SNX19: variants seen among roughly 807,000 people sequenced by gnomAD.
SNX19 encodes sorting nexin-19.
SNX19 carries 60 observed loss-of-function variants against 85.2 expected under a neutral mutation model. The observed-to-expected ratio is 0.70, with a 90% CI of 0.57 to 0.87. SNX19 has a LOEUF of 0.87. SNX19 is among the 40% of genes least tolerant of loss of function. SNX19 has a pLI of 0.00. For synonymous variants in SNX19, 520 were observed against 470.0 expected, an observed-to-expected ratio of 1.11 and a Z score of -1.38; for missense variants, 1,201 against 1,217.8, an observed-to-expected ratio of 0.99 and a Z score of 0.21.
intron 6 of SNX19, 73 bp downstream of exon 6, chr11:130,906,552 C>T: frequency 9.5e-7 from 1 of 1,051,854 alleles, no homozygotes; most frequent in East Asian, 2.4e-5. Context: ...CAGAGAATAT[C>T]TCAACTACCT....
At chr11:130,905,776 A>G in intron 7 of SNX19, 177 bp downstream of exon 7, 1 of 1,538,220 alleles carries the variant, frequency 6.5e-7, no homozygotes. Context: ...CCGCTGTGGC[A>G]ACTATGTACT....
At chr11:130,886,989 C>T in intron 8 of SNX19, among the ~76,000 whole-genome samples, 1 of 152,300 alleles carries the variant, frequency 6.6e-6, no homozygotes, top group East Asian at 1.9e-4. Context: ...GGGCAAGAAA[C>T]TACCACTTCT....
chr11:130,899,850 A>G (rs1945141497), intron 8 of SNX19, among the ~76,000 whole-genome samples: 1 of 152,250 alleles, frequency 6.6e-6, no homozygotes, highest in South Asian at 2.1e-4. Flanking sequence ...AAATATATTC[A>G]GAGTTTTCCC....
Position 130,873,079 on chromosome 11 carries a change from G to A in SNX19, c.*5343C>T, listed in dbSNP as rs908669522. 2.0e-5 allele frequency among the ~76,000 whole-genome samples: 3 copies of A among 152,054 alleles called. No homozygotes were observed. The highest frequency in any genetic ancestry group is 1.3e-4 in the Admixed American group (2 of 15,264). ...TTACACTTTTACTAGGCCTCACTCC[G>A]GACCTATTGAATCAAAATTTGCATT... On this transcript the variant is annotated 3_prime_UTR_variant, in exon 11 of 11. Transcript: ENST00000265909.
At chr11:130,907,844 G>C in intron 5 of SNX19, 109 bp downstream of exon 5, 1 of 1,515,000 alleles carries the variant, frequency 6.6e-7, no homozygotes, top group Non-Finnish European at 8.9e-7. Flanking sequence ...TGGTATGTCT[G>C]ACCCACCTCC....
intron 2 of SNX19, chr11:130,911,356 C>T: frequency 1.1e-6 from 1 of 930,088 alleles, no homozygotes; most frequent in Non-Finnish European, 1.4e-6. Flanking sequence ...ACTCCTCACA[C>T]CAACTTACAG....
rs1419976024 is a variant in SNX19 at position 130,866,537 on chromosome 11, A to T, written c.*11885T>A. Reference sequence around the variant, plus strand: ...CCTCCTTAAGATGGCAGATTAGAAGACCCTCTTCCCCAGGAGAGTGGGAGC... The same window carrying T: ...CCTCCTTAAGATGGCAGATTAGAAGTCCCTCTTCCCCAGGAGAGTGGGAGC... On this transcript the variant is annotated 3_prime_UTR_variant, in exon 11 of 11. Transcript: ENST00000265909. 6 of 152,114 alleles carry T rather than the reference A, an allele frequency of 3.9e-5. No homozygotes were observed. Among genetic ancestry groups the T allele is most frequent in the African/African-American group, 9.7e-5 (4 of 41,428 alleles). 9.4% of individuals were successfully genotyped at this position (152,114 alleles called of 1,614,324 possible). A position where few individuals can be genotyped will look rare whatever the true frequency, so the allele number is the denominator to read the frequency against.
At chr11:130,907,612 G>T (rs983975957) in intron 5 of SNX19, among the ~76,000 whole-genome samples, 4 of 152,142 alleles carry the variant, frequency 2.6e-5, no homozygotes, top group African/African-American at 9.7e-5. Context: ...TCAGTTATAA[G>T]CCTTAATTCT....
At position 130,875,353 on chromosome 11, in the gene SNX19, G is replaced by A. The variant is rs1466324270; in HGVS notation, c.*3069C>T. 2 of 152,272 alleles carry A rather than the reference G, an allele frequency of 1.3e-5. No individual in the cohort carries two copies. The highest frequency in any genetic ancestry group is 1.9e-4 in the East Asian group (1 of 5,196). 9.4% of individuals were successfully genotyped at this position (152,272 alleles called of 1,614,324 possible). On this transcript the variant is annotated 3_prime_UTR_variant, in exon 11 of 11. Transcript: ENST00000265909. Reference sequence around the variant, plus strand: ...CAGTGATTGCCAGAGGCTGGTGGGAGGGGAAACGAGGAGTGGCTGTTCAAT... The same window carrying A: ...CAGTGATTGCCAGAGGCTGGTGGGAAGGGAAACGAGGAGTGGCTGTTCAAT...
At chr11:130,886,276 G>A (rs867616705) in intron 8 of SNX19, among the ~76,000 whole-genome samples, 1 of 152,010 alleles carries the variant, frequency 6.6e-6, no homozygotes, top group Non-Finnish European at 1.5e-5. Context: ...CACTTGTTTC[G>A]TATGTATGTA....
chr11:130,906,018 C>T lies in SNX19; in HGVS notation c.2378G>A (p.Gly793Glu), dbSNP rs150877838. 3.7e-6 allele frequency: 6 copies of T among 1,614,076 alleles called. No homozygotes were observed. In the African/African-American group the frequency reaches 8.0e-5, roughly 22 times the overall value. ...ATCTGACACGCAACTGTCCACACGT[C>T]CTTTGGGAGGTTGTTCAGGATCTTT... Reference protein sequence around the residue: ...PEKDPEQPPKGRVDSCVSDAA... With the variant: ...PEKDPEQPPKERVDSCVSDAA... The change falls in exon 7 of 11, where the codon GGA (glycine) becomes GAA (glutamate). Residue 793 changes from glycine to glutamate, a missense_variant. Gly to Glu is a moderately conservative substitution (Grantham distance 98, BLOSUM62 -2). Coordinates refer to ENST00000265909, the MANE Select transcript of SNX19 (RefSeq NM_014758.3).
rs1197150839 is a variant in SNX19 at position 130,883,320 on chromosome 11, G to C, written c.2574-2514C>G. ...ATAAGCACAACTCACCGAAGAAAAG[G>C]AGTGCCATCTCTGAGTAAGTATCAG... On this transcript the variant is annotated intron_variant, in intron 8 of 10. Transcript: ENST00000265909. Among the ~76,000 whole-genome samples, 3 of 152,166 alleles carry C rather than the reference G, an allele frequency of 2.0e-5. No individual in the cohort carries two copies. In the East Asian group the frequency reaches 5.8e-4, roughly 29 times the overall value.
intron 2 of SNX19, among the ~76,000 whole-genome samples, chr11:130,910,974 T>C (rs1351618156): frequency 1.3e-5 from 2 of 152,030 alleles, no homozygotes; most frequent in Non-Finnish European, 2.9e-5. Flanking sequence ...GTGGGTAGAT[T>C]GCTTGAGGTC....
In SNX19 at chr11:130,908,632, T is replaced by A. The variant is rs78795167; in HGVS notation, c.2035-549A>T. Among the ~76,000 whole-genome samples the A allele has an allele frequency of 5.1e-3, 773 of 152,314 alleles. 9 individuals are homozygous for A. The highest frequency in any genetic ancestry group is 0.018 in the African/African-American group (731 of 41,568). On this transcript the variant is annotated intron_variant, in intron 4 of 10. Coordinates refer to ENST00000265909, the MANE Select transcript of SNX19 (RefSeq NM_014758.3). Reference sequence around the variant, plus strand: ...ATTCAAACAATTTCTCTTCTTTAGGTACAGAAAGAATAACAAAGATCACTC... The same window carrying A: ...ATTCAAACAATTTCTCTTCTTTAGGAACAGAAAGAATAACAAAGATCACTC...
Position 130,915,974 on chromosome 11 carries a change from G to A in SNX19, c.-35C>T, listed in dbSNP as rs749951664. The A allele has an allele frequency of 8.3e-6, 13 of 1,573,578 alleles. No homozygotes were observed. The highest frequency in any genetic ancestry group is 2.3e-5 in the South Asian group (2 of 87,086). ...GACAAGGTGGCTTCCCCAGATGACAGCCCTCAAGATTTTACTTCAGAGTTA... is the reference window on the plus strand; with the variant it reads ...GACAAGGTGGCTTCCCCAGATGACAACCCTCAAGATTTTACTTCAGAGTTA... On this transcript the variant is annotated 5_prime_UTR_variant, in exon 1 of 11. Coordinates refer to ENST00000265909, the MANE Select transcript of SNX19 (RefSeq NM_014758.3).
rs548084335 is a variant in SNX19, at chr11:130,875,080, T to C, written c.*3342A>G. ...TCACACTCCCATGTTCACTGCAGCA[T>C]TGTTTTCAACAATCAAGGCGCGGAG... On this transcript the variant is annotated 3_prime_UTR_variant, in exon 11 of 11. Coordinates refer to ENST00000265909, the MANE Select transcript of SNX19 (RefSeq NM_014758.3). 6.6e-6 allele frequency among the ~76,000 whole-genome samples: 1 copy of C among 152,366 alleles called. No homozygotes were observed. Among genetic ancestry groups the C allele is most frequent in the South Asian group, 2.1e-4 (1 of 4,832 alleles).
At chr11:130,909,184 T>A (rs1416601174) in intron 4 of SNX19, among the ~76,000 whole-genome samples, 1 of 152,204 alleles carries the variant, frequency 6.6e-6, no homozygotes, top group Non-Finnish European at 1.5e-5. Flanking sequence ...AAAACAGGCA[T>A]CCAGTAAGTA....
At position 130,889,054 on chromosome 11, in the gene SNX19, A is replaced by AT. The variant is rs568352422; in HGVS notation, c.2574-8249dup. Reference sequence around the variant, plus strand: ...GATACTACAGCATCTGTCCCAAACAATTACCTACATATATTTTTTCTTGTT... The same window carrying AT: ...GATACTACAGCATCTGTCCCAAACAATTTACCTACATATATTTTTTCTTGTT... On this transcript the variant is annotated intron_variant, in intron 8 of 10. Transcript: ENST00000265909. 3.2e-4 allele frequency among the ~76,000 whole-genome samples: 48 copies of AT among 152,256 alleles called. 1 individual carries two copies. The South Asian group carries it at 1.0e-2, about 32-fold the overall frequency.
In SNX19 at chr11:130,906,043, T is replaced by C. The variant is rs1430652212; in HGVS notation, c.2353A>G (p.Lys785Glu). The stretch of plus-strand genomic sequence containing the variant: ...CCTTTGGGAGGTTGTTCAGGATCTT[T>C]TTCTGGGGCTTTTGTTGGCTGCATT... ...LEMQPTKAPE[K>E]DPEQPPKGRV... Residue 785 changes from lysine to glutamate, a missense_variant, in exon 7 of 11, where the codon AAA (lysine) becomes GAA (glutamate). By Grantham distance (56) the Lys-to-Glu change is moderately conservative (BLOSUM62 1). This residue lies in a region of SNX19 where 285 missense variants were observed against 295.3 expected (regional missense o/e 0.97). Transcript: ENST00000265909. The C allele has an allele frequency of 1.2e-6, 2 of 1,614,104 alleles. No individual in the cohort carries two copies. The highest frequency in any genetic ancestry group is 1.3e-5 in the African/African-American group (1 of 74,940).
Sources: gnomAD v4.1 joint callset for allele counts (sites outside exome capture counted in the v4.1 genomes callset) on GRCh38, gnomAD v4.1.1 for gene constraint, gnomAD v4.1.1 regional missense constraint, MANE v1.5 for transcripts, NCBI Gene and HGNC (gene_info 2026-07-23, HGNC 2026-07-21) for gene names.